Variants in IGSF11 observed in about 807,000 individuals in gnomAD.
IGSF11 encodes immunoglobulin superfamily member 11.
Under a neutral mutation model 41.0 loss-of-function variants are expected in IGSF11, and 22 were observed. The observed-to-expected ratio is 0.54, with a 90% CI of 0.38 to 0.77. IGSF11 has a LOEUF of 0.77. IGSF11 is among the 30% of genes least tolerant of loss of function. The pLI is 0.00. For synonymous variants in IGSF11, 219 were observed against 201.3 expected (o/e 1.09, Z -0.74); for missense variants, 444 against 530.8 (o/e 0.84, Z 1.61).
intron 1 of IGSF11, among the ~76,000 whole-genome samples, chr3:118,997,043 T>A (rs1305415924): frequency 6.6e-6 from 1 of 152,182 alleles, no homozygotes; most frequent in East Asian, 1.9e-4. Context: ...GGATTTGAGG[T>A]GTCTATGGGA....
upstream of IGSF11, among the ~76,000 whole-genome samples, chr3:119,106,639 G>C (rs1019641339): frequency 6.6e-6 from 1 of 151,862 alleles, no homozygotes; most frequent in African/African-American, 2.4e-5. Flanking sequence ...CACAACGTGC[G>C]GGTTAGTTAC....
chr3:118,951,032 C>G (rs1466277866), intron 1 of IGSF11, among the ~76,000 whole-genome samples: 1 of 152,164 alleles, frequency 6.6e-6, no homozygotes, highest in Non-Finnish European at 1.5e-5. Flanking sequence ...GCCATTAGGT[C>G]AGCTCTATCC....
chr3:118,908,916 T>C (rs1939930472), intron 4 of IGSF11, among the ~76,000 whole-genome samples: 1 of 152,190 alleles, frequency 6.6e-6, no homozygotes, highest in East Asian at 1.9e-4. Flanking sequence ...TTGAGTGTGT[T>C]CCCTGTTCTT....
chr3:118,971,333 T>C (rs989403542), intron 1 of IGSF11, among the ~76,000 whole-genome samples: 2 of 152,190 alleles, frequency 1.3e-5, no homozygotes, highest in Non-Finnish European at 2.9e-5. Flanking sequence ...TTTAGGTTTA[T>C]GTGTAAACAT....
At chr3:118,906,628 A>G (rs986305435) in intron 4 of IGSF11, among the ~76,000 whole-genome samples, 11 of 152,206 alleles carry the variant, frequency 7.2e-5, no homozygotes, top group African/African-American at 2.2e-4. Context: ...AGGAGTTTGA[A>G]CAACAAATTT....
At chr3:119,113,726 T>A (rs1465212505) in intron 1 of IGSF11, among the ~76,000 whole-genome samples, 1 of 152,238 alleles carries the variant, frequency 6.6e-6, no homozygotes, top group East Asian at 1.9e-4. Flanking sequence ...ACAGCTCCAC[T>A]AGGCAGTGCC....
chr3:118,948,928 C>A (rs1944364650), intron 1 of IGSF11, among the ~76,000 whole-genome samples: 1 of 149,840 alleles, frequency 6.7e-6, no homozygotes, highest in Non-Finnish European at 1.5e-5. Flanking sequence ...GCCGAGATCG[C>A]GCCACTGCCC....
At position 119,034,784 on chromosome 3, in the gene IGSF11, C is replaced by CT; in HGVS notation, c.-203dup. ...GCAGCGCCGCCCGGCTCCGCGGACG[C>CT]TGAGCTGTGACCAGAGGCGTTCCGG... is the stretch of plus-strand genomic sequence containing the variant. On this transcript the variant is annotated 5_prime_UTR_variant, in exon 1 of 7. Transcript: ENST00000393775. 1 of 1,305,964 alleles carries CT rather than the reference C, an allele frequency of 7.7e-7. No individual in the cohort carries two copies. The highest frequency in any genetic ancestry group is 9.7e-7 in the Non-Finnish European group (1 of 1,026,956). 80.9% of individuals were successfully genotyped at this position (1,305,964 alleles called of 1,614,324 possible).
chr3:118,989,823 C>G (rs1379184255), intron 1 of IGSF11, among the ~76,000 whole-genome samples: 1 of 152,110 alleles, frequency 6.6e-6, no homozygotes, highest in Non-Finnish European at 1.5e-5. Context: ...AGTGACATAA[C>G]AGAAGTACTA....
intron 1 of IGSF11, among the ~76,000 whole-genome samples, chr3:119,134,781 G>A (rs1348889101): frequency 1.3e-5 from 2 of 152,132 alleles, no homozygotes; most frequent in Non-Finnish European, 2.9e-5. Flanking sequence ...CAAAGCTGGA[G>A]GCATCACGCT....
intron 1 of IGSF11, among the ~76,000 whole-genome samples, chr3:119,060,789 A>C (rs1279718494): frequency 6.6e-6 from 1 of 152,150 alleles, no homozygotes; most frequent in Non-Finnish European, 1.5e-5. Context: ...GAAACTGATA[A>C]CCTTTCTGCT....
intron 1 of IGSF11, among the ~76,000 whole-genome samples, chr3:118,975,236 T>G (rs979898250): frequency 6.6e-6 from 1 of 152,170 alleles, no homozygotes; most frequent in Admixed American, 6.6e-5. Context: ...AAGCCAAATA[T>G]ATGTTTTTTA....
rs935077359 is a variant in IGSF11 at position 118,902,911 on chromosome 3, T to G, written c.905A>C (p.Glu302Ala). 1.9e-5 allele frequency: 31 copies of G among 1,614,022 alleles called. No individual in the cohort carries two copies. The highest frequency in any genetic ancestry group is 2.5e-5 in the Non-Finnish European group (30 of 1,179,994). Residue 302 changes from glutamate to alanine, a missense_variant, in exon 7 of 7, where the codon GAG (glutamate) becomes GCG (alanine). Coordinates refer to ENST00000393775, the MANE Select transcript of IGSF11 (RefSeq NM_001015887.3). Reference protein sequence around the residue: ...KCSSAKAFHTEISSSDNNTLT... With the variant: ...KCSSAKAFHTAISSSDNNTLT... The stretch of plus-strand genomic sequence containing the variant: ...TGTGTTGTTGTCCGAGGAGGAAATC[T>G]CAGTGTGAAATGCTTTGGCAGAAGA...
chr3:118,936,367 C>T (rs1246510390), intron 1 of IGSF11, among the ~76,000 whole-genome samples: 4 of 151,740 alleles, frequency 2.6e-5, no homozygotes, highest in African/African-American at 7.3e-5. Flanking sequence ...ATTAGCCAGG[C>T]GTGGTGGCAG....
intron 1 of IGSF11, among the ~76,000 whole-genome samples, chr3:119,076,249 C>T (rs1023044755): frequency 6.6e-6 from 1 of 152,186 alleles, no homozygotes; most frequent in African/African-American, 2.4e-5. Flanking sequence ...ACACCTTATA[C>T]AAACATTAAT....
intron 1 of IGSF11, among the ~76,000 whole-genome samples, chr3:119,021,682 A>C (rs1939303817): frequency 6.6e-6 from 1 of 152,184 alleles, no homozygotes; most frequent in South Asian, 2.1e-4. Flanking sequence ...AAGACAATGA[A>C]TTCTAGATGG....
At chr3:119,129,558 A>T (rs4687969) in intron 1 of IGSF11, among the ~76,000 whole-genome samples, 142,699 of 151,954 alleles carry the variant, frequency 0.94, 67,073 homozygotes, top group East Asian at 1. Context: ...AGGTGTAGAG[A>T]TTTTATTAGT....
intron 1 of IGSF11, among the ~76,000 whole-genome samples, chr3:119,071,106 A>C (rs2076393595): frequency 6.6e-6 from 1 of 152,220 alleles, no homozygotes; most frequent in Non-Finnish European, 1.5e-5. Flanking sequence ...TTTCATGAGC[A>C]CATGTGAAAC....
intron 4 of IGSF11, among the ~76,000 whole-genome samples, chr3:118,909,212 T>C (rs891253869): frequency 6.6e-6 from 1 of 152,150 alleles, no homozygotes; most frequent in African/African-American, 2.4e-5. Context: ...AAATCATAAT[T>C]ATATATTTTC....
Sources: allele counts gnomAD v4.1 joint callset (sites outside exome capture counted in the v4.1 genomes callset), GRCh38; gene constraint gnomAD v4.1.1; transcripts MANE v1.5; gene names NCBI Gene and HGNC (gene_info 2026-07-23, HGNC 2026-07-21).